The following ATL1 variants were observed in gnomAD, a reference collection of about 807,000 sequenced individuals.
The protein encoded by ATL1 is atlastin-1.
Under a neutral mutation model 75.5 loss-of-function variants are expected in ATL1, and 31 were observed. The observed-to-expected ratio is 0.41, with a 90% CI of 0.31 to 0.55. ATL1 has a LOEUF of 0.55. Among genes scored for constraint, ATL1 ranks in the 20% least tolerant of loss-of-function variants. ATL1 has a pLI of 0.27. For synonymous variants in ATL1, 226 were observed against 233.3 expected (o/e 0.97, Z 0.28); for missense variants, 405 against 662.6 (o/e 0.61, Z 4.27).
chr14:50,605,076 G>T (rs2039304663), intron 6 of ATL1, among the ~76,000 whole-genome samples: 1 of 151,958 alleles, frequency 6.6e-6, no homozygotes, highest in Non-Finnish European at 1.5e-5. Flanking sequence ...TAATAAAAAA[G>T]AAAGATTTAT....
intron 10 of ATL1, 111 bp from the exon 11 acceptor site, chr14:50,623,066 C>G: frequency 1.2e-6 from 1 of 841,280 alleles, no homozygotes; most frequent in East Asian, 2.6e-5. Context: ...ATTTTGAGGA[C>G]TTTGGTTTCT....
intron 1 of ATL1, among the ~76,000 whole-genome samples, chr14:50,575,286 T>G (rs2038995448): frequency 6.6e-6 from 1 of 152,122 alleles, no homozygotes; most frequent in African/African-American, 2.4e-5. Flanking sequence ...TATAAATGAC[T>G]GACTCAACTT....
At chr14:50,592,780 A>G (rs1319451632) in intron 4 of ATL1, among the ~76,000 whole-genome samples, 3 of 150,884 alleles carry the variant, frequency 2.0e-5, no homozygotes, top group Admixed American at 6.6e-5. Flanking sequence ...GCATGGTGGC[A>G]GGCGCCTGTA....
rs1252372410 is a variant in ATL1, at chr14:50,544,958, AAAAAG to A, written c.-140+11594_-140+11598del. On this transcript the variant is annotated intron_variant, in intron 1 of 13. Coordinates refer to the ATL1 transcript ENST00000441560. ...TCTCAAAAAAAAAAAAAAAAAAAAA[AAAAAG>A]AAGCCAACTATAATGTAACAGGTCC... Among the ~76,000 whole-genome samples, 5 of 151,342 alleles carry A rather than the reference AAAAAG, an allele frequency of 3.3e-5. No individual in the cohort carries two copies. The East Asian group carries it at 5.8e-4, about 18-fold the overall frequency.
chr14:50,561,445 T>C (rs1044655725), intron 1 of ATL1, among the ~76,000 whole-genome samples: 2 of 152,270 alleles, frequency 1.3e-5, no homozygotes, highest in Non-Finnish European at 2.9e-5. Context: ...TAACAGTTGT[T>C]ATTATTTGAA....
chr14:50,580,587 A>G (rs945737252), intron 1 of ATL1, among the ~76,000 whole-genome samples: 4 of 152,260 alleles, frequency 2.6e-5, no homozygotes, highest in East Asian at 1.9e-4. Context: ...TATTTAAAAA[A>G]TTTATGTCTG....
At chr14:50,574,908 AGTGT>A (rs35304376) in intron 1 of ATL1, among the ~76,000 whole-genome samples, 1,606 of 51,906 alleles carry the variant, frequency 0.031, 69 homozygotes, top group East Asian at 0.058. Flanking sequence ...TTCAATACTG[AGTGT>A]GTGTGTGTGT....
intron 1 of ATL1, among the ~76,000 whole-genome samples, chr14:50,584,634 G>T (rs550577428): frequency 1.3e-5 from 2 of 151,680 alleles, no homozygotes; most frequent in Non-Finnish European, 2.9e-5. Flanking sequence ...GCGTGAACCC[G>T]GGAGGCGGAG....
At chr14:50,571,221 G>T (rs2038952464) in intron 1 of ATL1, among the ~76,000 whole-genome samples, 1 of 152,130 alleles carries the variant, frequency 6.6e-6, no homozygotes, top group African/African-American at 2.4e-5. Flanking sequence ...CCAGAATACA[G>T]ATCTCCAAAT....
At chr14:50,544,587 A>G (rs1365136829) in intron 1 of ATL1, among the ~76,000 whole-genome samples, 1 of 152,140 alleles carries the variant, frequency 6.6e-6, no homozygotes, top group African/African-American at 2.4e-5. Flanking sequence ...TCTGCTTCTG[A>G]TGTGACTAGA....
chr14:50,550,458 G>A (rs143516364), intron 1 of ATL1, among the ~76,000 whole-genome samples: 1 of 152,306 alleles, frequency 6.6e-6, no homozygotes, highest in East Asian at 1.9e-4. Flanking sequence ...CAGTCCTATT[G>A]TGGGGTATGT....
intron 11 of ATL1, among the ~76,000 whole-genome samples, chr14:50,625,466 GTCT>G (rs2039509149): frequency 6.6e-6 from 1 of 152,226 alleles, no homozygotes; most frequent in Admixed American, 6.5e-5. Flanking sequence ...GGATGAAATA[GTCT>G]TCTATTGGAA....
chr14:50,621,647 G>A (rs2039467730), intron 9 of ATL1, among the ~76,000 whole-genome samples, 196 bp from the exon 10 acceptor site: 1 of 152,120 alleles, frequency 6.6e-6, no homozygotes, highest in African/African-American at 2.4e-5. Flanking sequence ...AGACAGAGAT[G>A]TTTGAAAAAG....
At chr14:50,559,744 G>GA (rs577153377), upstream of ATL1, 209 of 152,136 alleles carry the variant, frequency 1.4e-3, no homozygotes, top group Middle Eastern at 6.8e-3. Context: ...TTTTAAAATG[G>GA]AAAAAAAAAT....
At chr14:50,622,522 T>A (rs1198453113) in intron 10 of ATL1, among the ~76,000 whole-genome samples, 1 of 151,642 alleles carries the variant, frequency 6.6e-6, no homozygotes, top group Non-Finnish European at 1.5e-5. Context: ...AAAAATTAGC[T>A]GGGCGTGGTG....
At chr14:50,632,102 A>G (rs2039587281) in intron 13 of ATL1, 127 bp from the exon 14 acceptor site, 6 of 590,128 alleles carry the variant, frequency 1.0e-5, no homozygotes, top group East Asian at 3.0e-5. Context: ...AATAATTTAT[A>G]TATCGATTAA....
chr14:50,629,185 T>C (rs2039553054), intron 12 of ATL1, among the ~76,000 whole-genome samples: 1 of 152,242 alleles, frequency 6.6e-6, no homozygotes, highest in Non-Finnish European at 1.5e-5. Context: ...TGTCATATCA[T>C]TCTCTTTTTT....
chr14:50,587,646 C>T (rs376938641), intron 1 of ATL1, among the ~76,000 whole-genome samples, 185 bp from the exon 2 acceptor site: 6 of 152,056 alleles, frequency 3.9e-5, no homozygotes, highest in Non-Finnish European at 5.9e-5. Flanking sequence ...TGGGCTCAAG[C>T]GATCCTCCCA....
chr14:50,543,307 G>T (rs1303009463), intron 1 of ATL1, among the ~76,000 whole-genome samples: 1 of 152,240 alleles, frequency 6.6e-6, no homozygotes, highest in African/African-American at 2.4e-5. Context: ...TCCCTTGACA[G>T]ATAAGTCAAC....
Sources: allele counts gnomAD v4.1 joint callset (sites outside exome capture counted in the v4.1 genomes callset), GRCh38; gene constraint gnomAD v4.1.1; transcripts MANE v1.5; gene names NCBI Gene and HGNC (gene_info 2026-07-23, HGNC 2026-07-21).